Variants in LPIN1 observed in about 807,000 individuals in gnomAD.
LPIN1 encodes the protein lipin 1, also known as phosphatidate phosphatase LPIN1.
LPIN1 carries 71 observed loss-of-function variants against 107.5 expected under a neutral mutation model. That is an observed-to-expected ratio of 0.66 (90% CI 0.55 to 0.80). The LOEUF (loss-of-function observed/expected upper bound fraction) is 0.80, where lower values mean the gene tolerates loss of function less well. Among genes scored for constraint, LPIN1 ranks in the 30% least tolerant of loss-of-function variants. The pLI is 0.00. For missense variants in LPIN1, 1,043 were observed against 1,160.6 expected, an observed-to-expected ratio of 0.90 and a Z score of 1.47; for synonymous variants, 445 against 452.6, an observed-to-expected ratio of 0.98 and a Z score of 0.21.
chr2:11,807,269 G>A (rs1678867479), intron 17 of LPIN1, among the ~76,000 whole-genome samples: 1 of 152,156 alleles, frequency 6.6e-6, no homozygotes, highest in South Asian at 2.1e-4. Context: ...GCTGTAGGTG[G>A]CGTATGTGCA....
At chr2:11,815,815 T>G (rs1680483912) in intron 18 of LPIN1, among the ~76,000 whole-genome samples, 1 of 152,068 alleles carries the variant, frequency 6.6e-6, no homozygotes, top group African/African-American at 2.4e-5. Context: ...AGTTTCTGAT[T>G]ACCTTCCTCC....
intron 1 of LPIN1, among the ~76,000 whole-genome samples, chr2:11,753,165 C>CT (rs1668123903): frequency 6.6e-6 from 1 of 151,882 alleles, no homozygotes; most frequent in Non-Finnish European, 1.5e-5. Flanking sequence ...TGGAAGCTCA[C>CT]TGCAAGAGCT....
At chr2:11,704,012 C>G (rs982018012) in intron 1 of LPIN1, among the ~76,000 whole-genome samples, 1 of 152,186 alleles carries the variant, frequency 6.6e-6, no homozygotes, top group Non-Finnish European at 1.5e-5. Flanking sequence ...CTGGAAGGCT[C>G]ACCTGGGACC....
chr2:11,738,031 A>AT (rs1665961813), intron 1 of LPIN1, among the ~76,000 whole-genome samples: 1 of 152,240 alleles, frequency 6.6e-6, no homozygotes, highest in African/African-American at 2.4e-5. Flanking sequence ...AGTGGCACAT[A>AT]TACACCATGG....
At chr2:11,813,031 A>G (rs1679950475) in intron 17 of LPIN1, among the ~76,000 whole-genome samples, 1 of 152,106 alleles carries the variant, frequency 6.6e-6, no homozygotes. Flanking sequence ...GCCACTTGCT[A>G]CTTGCAGTGC....
chr2:11,800,137 T>C lies in LPIN1; in HGVS notation c.1887-2770T>C, dbSNP rs1677437137. On this transcript the variant is annotated intron_variant, in intron 14 of 20. Coordinates refer to ENST00000674199, the MANE Select transcript of LPIN1 (RefSeq NM_001349206.2). ...GATTTAGACACAAGCCCTGCGTGAGTGGGAATAGGTTGTTTGCTGTGCCAT... is the reference window on the plus strand; with the variant it reads ...GATTTAGACACAAGCCCTGCGTGAGCGGGAATAGGTTGTTTGCTGTGCCAT... Among the ~76,000 whole-genome samples, 3 of 152,022 alleles carry C rather than the reference T, an allele frequency of 2.0e-5. No individual in the cohort carries two copies. In the South Asian group the frequency reaches 6.2e-4, roughly 32 times the overall value.
intron 1 of LPIN1, among the ~76,000 whole-genome samples, chr2:11,680,974 A>G (rs1458070501): frequency 1.3e-5 from 2 of 152,220 alleles, no homozygotes; most frequent in African/African-American, 4.8e-5. Context: ...ATACCTAACT[A>G]TATACTACTC....
At chr2:11,695,658 C>A (rs1004885040) in intron 1 of LPIN1, among the ~76,000 whole-genome samples, 2 of 152,118 alleles carry the variant, frequency 1.3e-5, no homozygotes, top group African/African-American at 4.8e-5. Flanking sequence ...TGACTGATTG[C>A]TGTGAAATTC....
At position 11,697,015 on chromosome 2, in the gene LPIN1, G is replaced by A. The variant is rs1335293521; in HGVS notation, c.82-16741G>A. Among the ~76,000 whole-genome samples, 1 of 152,232 alleles carries A rather than the reference G, an allele frequency of 6.6e-6. No homozygotes were observed. The highest frequency in any genetic ancestry group is 1.5e-5 in the Non-Finnish European group (1 of 68,040). On this transcript the variant is annotated intron_variant, in intron 1 of 21. Coordinates refer to the LPIN1 transcript ENST00000449576. This position sits in a 1 kb window ranked among gnomAD's most constrained non-coding sequence, Gnocchi z 4.6. ...GGGCCTGGGACCCTTCAGAACAGGG[G>A]CTCCTGCCCAGCCTCTGGGTCCCCC...
rs150778043 is a variant in LPIN1 at position 11,775,419 on chromosome 2, A to G, written c.723-667A>G. Among the ~76,000 whole-genome samples the G allele has an allele frequency of 1.1e-4, 16 of 152,364 alleles. No individual in the cohort carries two copies. In the East Asian group the frequency reaches 3.1e-3, roughly 29 times the overall value. On this transcript the variant is annotated intron_variant, in intron 5 of 20. Coordinates refer to ENST00000674199, the MANE Select transcript of LPIN1 (RefSeq NM_001349206.2). ...TTAAACACAACTCTGAGCGTGTTTA[A>G]TGCTCAAAACATCTGTAATGTTTTG...
intron 2 of LPIN1, among the ~76,000 whole-genome samples, chr2:11,718,522 T>C (rs1352042175): frequency 6.6e-6 from 1 of 152,202 alleles, no homozygotes; most frequent in Non-Finnish European, 1.5e-5. Flanking sequence ...TGTGGAGATA[T>C]ACTTTGAATG....
At chr2:11,742,949 C>T (rs1460059139), upstream of LPIN1, among the ~76,000 whole-genome samples, 1 of 152,248 alleles carries the variant, frequency 6.6e-6, no homozygotes, top group Non-Finnish European at 1.5e-5. Context: ...TCCTTGACAC[C>T]TGGCCTAGAT....
At chr2:11,819,448 C>T in intron 18 of LPIN1, 36 bp from the exon 19 acceptor site, 2 of 1,287,858 alleles carry the variant, frequency 1.6e-6, no homozygotes, top group Non-Finnish European at 2.3e-6. Flanking sequence ...GGAAGCTTAG[C>T]CTCTCATGTT....
intron 1 of LPIN1, among the ~76,000 whole-genome samples, chr2:11,756,423 C>G (rs893777506): frequency 2.0e-4 from 31 of 152,332 alleles, no homozygotes; most frequent in African/African-American, 7.5e-4. Context: ...GAGTCTCACT[C>G]TGTCGCCCAG....
intron 1 of LPIN1, among the ~76,000 whole-genome samples, chr2:11,756,352 C>T (rs184127984): frequency 2.0e-5 from 3 of 152,122 alleles, no homozygotes; most frequent in East Asian, 1.9e-4. Context: ...CATTAAGAGG[C>T]GTGGACTAAA....
chr2:11,757,706 C>A (rs1162278357), intron 1 of LPIN1, among the ~76,000 whole-genome samples: 3 of 152,086 alleles, frequency 2.0e-5, no homozygotes, highest in Non-Finnish European at 4.4e-5. Flanking sequence ...GCCCCCTCCA[C>A]CCCAAGCTCT....
chr2:11,746,592 C>T (rs1666950874), upstream of LPIN1: 3 of 982,408 alleles, frequency 3.1e-6, no homozygotes, highest in South Asian at 4.7e-5. Context: ...CCTGCCCCGC[C>T]CCCGAAGGCG....
At position 11,804,581 on chromosome 2, in the gene LPIN1, G is replaced by A; in HGVS notation, c.2162+10G>A. The A allele has an allele frequency of 1.9e-6, 3 of 1,613,558 alleles. No individual in the cohort carries two copies. The highest frequency in any genetic ancestry group is 2.5e-6 in the Non-Finnish European group (3 of 1,179,966). On this transcript the variant is annotated intron_variant, in intron 16 of 20. Coordinates refer to ENST00000674199, the MANE Select transcript of LPIN1 (RefSeq NM_001349206.2). Reference sequence around the variant, plus strand: ...ATGGGACAATTACCAGGTAGGTCCTGCTGACTTGGGGCCCATGGTAGATTT... The same window carrying A: ...ATGGGACAATTACCAGGTAGGTCCTACTGACTTGGGGCCCATGGTAGATTT...
intron 1 of LPIN1, among the ~76,000 whole-genome samples, chr2:11,749,487 C>G (rs1005362554): frequency 6.6e-6 from 1 of 152,154 alleles, no homozygotes; most frequent in Admixed American, 6.5e-5. Flanking sequence ...GTCTGTCTCC[C>G]TACCTGTAAT....
Sources: gnomAD v4.1 joint callset for allele counts (sites outside exome capture counted in the v4.1 genomes callset) on GRCh38, gnomAD v4.1.1 for gene constraint, Gnocchi (gnomAD v3.1) non-coding constraint, MANE v1.5 for transcripts, NCBI Gene and HGNC (gene_info 2026-07-23, HGNC 2026-07-21) for gene names.